The following ASAP1 variants were observed in gnomAD, a reference collection of about 807,000 sequenced individuals.
ASAP1 encodes ArfGAP with SH3 domain, ankyrin repeat and PH domain 1, also known as arf-GAP with SH3 domain, ANK repeat and PH domain-containing protein 1.
ASAP1 carries 43 observed loss-of-function variants against 145.2 expected under a neutral mutation model. The ratio of observed to expected loss-of-function variants is 0.30; its 90% CI spans 0.23 to 0.38. ASAP1 has a LOEUF of 0.38. ASAP1 is among the 10% of genes least tolerant of loss of function. The pLI is 1.00. For missense variants in ASAP1, 1,018 were observed against 1,355.3 expected, an observed-to-expected ratio of 0.75 and a Z score of 3.91; for synonymous variants, 546 against 515.5, an observed-to-expected ratio of 1.06 and a Z score of -0.80.
chr8:130,127,341 C>G (rs542988925), intron 16 of ASAP1, among the ~76,000 whole-genome samples: 2 of 152,140 alleles, frequency 1.3e-5, no homozygotes, highest in African/African-American at 4.8e-5. Flanking sequence ...CTTATCCTCC[C>G]AAGTAGCTGG....
intron 2 of ASAP1, among the ~76,000 whole-genome samples, chr8:130,395,296 G>C (rs72724494): frequency 6.6e-6 from 1 of 152,110 alleles, no homozygotes; most frequent in African/African-American, 2.4e-5. Flanking sequence ...CGTTTGACAC[G>C]TCCTCTTGCA....
rs186602263 is a variant in ASAP1, at chr8:130,396,786, T to C, written c.59+5099A>G. 6.4e-4 allele frequency among the ~76,000 whole-genome samples: 98 copies of C among 152,278 alleles called. 1 individual carries two copies. Among genetic ancestry groups the C allele is most frequent in the Non-Finnish European group, 1.2e-3 (82 of 68,014 alleles). The stretch of plus-strand genomic sequence containing the variant: ...CAATTTGGGCTGACAGCCTGTGGCA[T>C]GATAATGACAGGGCGTCTGCTTGAC... On this transcript the variant is annotated intron_variant, in intron 2 of 29. Transcript: ENST00000518721.
chr8:130,231,575 A>T (rs2136616054), intron 4 of ASAP1, among the ~76,000 whole-genome samples: 1 of 152,332 alleles, frequency 6.6e-6, no homozygotes, highest in East Asian at 1.9e-4. Context: ...CAAAGAAAAA[A>T]AAAGCCAACA....
chr8:130,298,508 C>T (rs1822425179), intron 3 of ASAP1, among the ~76,000 whole-genome samples: 2 of 152,188 alleles, frequency 1.3e-5, no homozygotes, highest in South Asian at 2.1e-4. Context: ...TTCATTTATG[C>T]TTTCCCTCTC....
At chr8:130,150,465 AATAG>A (rs1224005515) in intron 13 of ASAP1, among the ~76,000 whole-genome samples, 1 of 152,262 alleles carries the variant, frequency 6.6e-6, no homozygotes, top group Non-Finnish European at 1.5e-5. Context: ...AAGAAAAGCA[AATAG>A]ATACAACATG....
chr8:130,260,061 T>C (rs1284291555), intron 3 of ASAP1, among the ~76,000 whole-genome samples: 2 of 152,254 alleles, frequency 1.3e-5, no homozygotes, highest in Admixed American at 1.3e-4. Context: ...GTTGTTCATT[T>C]ATACATTGTC....
Position 130,060,945 on chromosome 8 carries a change from C to T in ASAP1, c.2826G>A (p.Lys942=). The T allele has an allele frequency of 6.2e-7, 1 of 1,606,688 alleles. No homozygotes were observed. Among genetic ancestry groups the T allele is most frequent in the Non-Finnish European group, 8.5e-7 (1 of 1,176,196 alleles). ...GGGGCTTGGGGGCCAGTTCTGTGGGCTTTGGGGGCAGGTCTCCAGGTGGTG... is the reference window on the plus strand; with the variant it reads ...GGGGCTTGGGGGCCAGTTCTGTGGGTTTTGGGGGCAGGTCTCCAGGTGGTG... ...QKPPPGDLPP[K]PTELAPKPQI... is the part of the protein sequence containing the mutation. The change falls in exon 28 of 30, where the codon AAG becomes AAA. Residue 942 remains lysine, a synonymous_variant. Transcript: ENST00000518721.
At chr8:130,214,984 T>TC (rs1816809469) in intron 4 of ASAP1, among the ~76,000 whole-genome samples, 1 of 152,008 alleles carries the variant, frequency 6.6e-6, no homozygotes, top group African/African-American at 2.4e-5. Context: ...CACTGCACCC[T>TC]CCGCCTCCCA....
chr8:130,171,289 C>A (rs1317029971), intron 9 of ASAP1, among the ~76,000 whole-genome samples: 1 of 152,086 alleles, frequency 6.6e-6, no homozygotes, highest in African/African-American at 2.4e-5. Flanking sequence ...TGTAGTAGTA[C>A]GTTCCCATGT....
At chr8:130,338,058 G>A (rs1288458423) in intron 3 of ASAP1, among the ~76,000 whole-genome samples, 3 of 152,188 alleles carry the variant, frequency 2.0e-5, no homozygotes, top group Admixed American at 6.5e-5. Context: ...GAAGTGGCTT[G>A]CCCTAGATCA....
At chr8:130,351,135 A>G (rs1036887986) in intron 3 of ASAP1, among the ~76,000 whole-genome samples, 1 of 152,260 alleles carries the variant, frequency 6.6e-6, no homozygotes, top group African/African-American at 2.4e-5. Context: ...CTCTAGCACT[A>G]GAAACCAAAT....
At chr8:130,366,717 T>C (rs1826965760) in intron 2 of ASAP1, among the ~76,000 whole-genome samples, 1 of 152,096 alleles carries the variant, frequency 6.6e-6, no homozygotes, top group Non-Finnish European at 1.5e-5. Context: ...AATTACTTTA[T>C]TGTTAAAAGG....
At chr8:130,442,276 G>A (rs1002921440) in intron 1 of ASAP1, among the ~76,000 whole-genome samples, 1 of 152,178 alleles carries the variant, frequency 6.6e-6, no homozygotes, top group Non-Finnish European at 1.5e-5. Flanking sequence ...GACTGAGCCT[G>A]AAGAAGTGGA....
chr8:130,172,634 C>T (rs1490678932), intron 9 of ASAP1, among the ~76,000 whole-genome samples: 2 of 152,060 alleles, frequency 1.3e-5, no homozygotes, highest in Admixed American at 6.5e-5. Flanking sequence ...CCACGTGTGG[C>T]CAATGGGTAC....
At chr8:130,253,202 A>C (rs1389097690) in intron 3 of ASAP1, among the ~76,000 whole-genome samples, 2 of 152,178 alleles carry the variant, frequency 1.3e-5, no homozygotes, top group Non-Finnish European at 2.9e-5. Context: ...CCTGTGGTCA[A>C]ATCCTAGCTC....
At chr8:130,246,629 G>A (rs1015065107) in intron 3 of ASAP1, among the ~76,000 whole-genome samples, 2 of 152,254 alleles carry the variant, frequency 1.3e-5, no homozygotes, top group Admixed American at 1.3e-4. Context: ...CCCCAGCCAC[G>A]CGGAACTGTG....
At chr8:130,413,401 A>G (rs1328258571) in intron 1 of ASAP1, among the ~76,000 whole-genome samples, 1 of 152,170 alleles carries the variant, frequency 6.6e-6, no homozygotes. Flanking sequence ...TGATGACCAC[A>G]TTTTCACATT....
intron 3 of ASAP1, among the ~76,000 whole-genome samples, chr8:130,304,664 A>G (rs1203323312): frequency 6.6e-6 from 1 of 152,202 alleles, no homozygotes; most frequent in Admixed American, 6.5e-5. Flanking sequence ...TTTCAATTTT[A>G]CACAGGAAGT....
At position 130,188,232 on chromosome 8, in the gene ASAP1, A is replaced by G. The variant is rs766495192; in HGVS notation, c.406-49T>C. The stretch of plus-strand genomic sequence containing the variant: ...GAGATGGTTAAAAAATAAAGTCCAC[A>G]TGAACAATAAAACCAGCTACTATTG... On this transcript the variant is annotated intron_variant, in intron 5 of 29. Transcript: ENST00000518721. 5 of 1,447,554 alleles carry G rather than the reference A, an allele frequency of 3.5e-6. No homozygotes were observed. In the Admixed American group the frequency reaches 5.1e-5, roughly 15 times the overall value. The allele number at this position is 1,447,554 out of a possible 1,614,324, so 89.7% of individuals were successfully genotyped here.
Sources: gnomAD v4.1 joint callset for allele counts (sites outside exome capture counted in the v4.1 genomes callset) on GRCh38, gnomAD v4.1.1 for gene constraint, MANE v1.5 for transcripts, NCBI Gene and HGNC (gene_info 2026-07-23, HGNC 2026-07-21) for gene names.